TRAPPC2L: variants seen among roughly 807,000 people sequenced by gnomAD.
TRAPPC2L encodes the protein trafficking protein particle complex subunit 2L.
In TRAPPC2L, 17 loss-of-function variants were observed where a neutral mutation model predicts 13.2. The ratio of observed to expected loss-of-function variants is 1.29; its 90% CI spans 0.88 to 1.93. TRAPPC2L has a LOEUF of 1.93. TRAPPC2L is among the 30% of genes most tolerant of loss of function. The probability of loss-of-function intolerance (pLI) is 0.00; values close to 1 mark genes in which losing one functional copy is unlikely to be tolerated. For missense variants in TRAPPC2L, 359 were observed against 252.1 expected, an observed-to-expected ratio of 1.42 and a Z score of -2.87; for synonymous variants, 150 against 98.1, an observed-to-expected ratio of 1.53 and a Z score of -3.12.
intron 1 of TRAPPC2L, 55 bp from the exon 2 acceptor site, chr16:88,858,564 T>G: frequency 3.2e-6 from 5 of 1,582,018 alleles, no homozygotes. Flanking sequence ...AGTTCAGAGC[T>G]GGTGTGCGCT....
exon 4 of TRAPPC2L, chr16:88,860,434 T>C: frequency 1.6e-6 from 1 of 606,374 alleles, no homozygotes; most frequent in Non-Finnish European, 2.9e-6. Flanking sequence ...AAATGTGGGG[T>C]CCATGCCCAC....
At chr16:88,861,427 C>T (rs1187748726) in exon 4 of TRAPPC2L, 1 of 347,780 alleles carries the variant, frequency 2.9e-6, no homozygotes, top group Admixed American at 3.9e-5. Flanking sequence ...GGGCCCTCCT[C>T]TTTCTGGACT....
At chr16:88,856,418 G>C (rs1567550254), upstream of TRAPPC2L, 1 of 701,240 alleles carries the variant, frequency 1.4e-6, no homozygotes, top group African/African-American at 1.7e-5. Flanking sequence ...TCAGACGGGG[G>C]AGGCAGGGCC....
At chr16:88,861,475 T>TCCG in exon 4 of TRAPPC2L, 1 of 351,534 alleles carries the variant, frequency 2.8e-6, no homozygotes, top group Admixed American at 3.7e-5. Flanking sequence ...ATGTCTGGAT[T>TCCG]CCGCCCGGCC....
At chr16:88,857,290 G>A in intron 1 of TRAPPC2L, 107 bp downstream of exon 1, 1 of 1,086,608 alleles carries the variant, frequency 9.2e-7, no homozygotes, top group East Asian at 3.2e-5. Context: ...ATGGGACCTG[G>A]AGGAGGCCTT....
upstream of TRAPPC2L, chr16:88,856,745 C>A: frequency 6.7e-7 from 1 of 1,503,370 alleles, no homozygotes; most frequent in East Asian, 2.5e-5. Flanking sequence ...CCCGTCCCAC[C>A]GCCCGCACTC....
chr16:88,859,484 C>T lies in TRAPPC2L; in HGVS notation c.207-179C>T, dbSNP rs2143016178. 4.1e-6 allele frequency: 3 copies of T among 723,426 alleles called. 1 individual carries two copies. In the South Asian group the frequency reaches 4.4e-5, roughly 11 times the overall value. 44.8% of individuals were successfully genotyped at this position (723,426 alleles called of 1,614,324 possible). On this transcript the variant is annotated intron_variant, in intron 2 of 3. Coordinates refer to ENST00000565504, the Ensembl canonical transcript of TRAPPC2L. ...CTGCTCTTCGCTTCTCCTGCAAACA[C>T]CAGACGTCGCCCTAGCAAAGTATTT...
At chr16:88,861,745 G>A (rs756516512) in exon 4 of TRAPPC2L, 6 of 455,154 alleles carry the variant, frequency 1.3e-5, no homozygotes, top group South Asian at 4.7e-5. Flanking sequence ...GGACCCCCCC[G>A]GAGTTGGTTC....
rs372192905 is a variant in TRAPPC2L, at chr16:88,859,751, G to A, written c.294+1G>A. ...CCTTCGAGACAACGAAATTCGCAGCGTAAGTCAGGGAGTTAGAGGGCCACG... is the reference window on the plus strand; with the variant it reads ...CCTTCGAGACAACGAAATTCGCAGCATAAGTCAGGGAGTTAGAGGGCCACG... On this transcript the variant is annotated splice_donor_variant, in intron 3 of 3. Coordinates refer to ENST00000565504, the Ensembl canonical transcript of TRAPPC2L. LOFTEE classifies it high-confidence loss of function. The A allele has an allele frequency of 5.0e-6, 8 of 1,613,320 alleles. No homozygotes were observed. The highest frequency in any genetic ancestry group is 4.5e-5 in the East Asian group (2 of 44,894).
At chr16:88,860,573 T>C (rs1156974228) in exon 4 of TRAPPC2L, 2 of 588,400 alleles carry the variant, frequency 3.4e-6, no homozygotes, top group Admixed American at 3.0e-5. Flanking sequence ...GGGGCCATCC[T>C]GGTCCCAGAT....
Position 88,859,901 on chromosome 16 carries a change from GA to G in TRAPPC2L, c.305del (p.Lys102SerfsTer9). 6.4e-7 allele frequency: 1 copy of G among 1,554,616 alleles called. No homozygotes were observed. Among genetic ancestry groups the G allele is most frequent in the Non-Finnish European group, 8.7e-7 (1 of 1,152,338 alleles). On this transcript the variant is annotated frameshift_variant, in exon 4 of 4. Transcript: ENST00000565504. LOFTEE classifies it low-confidence loss of function (END_TRUNC). The stretch of plus-strand genomic sequence containing the variant: ...TGCTGGGTCTTTTTCAGATGTTCCG[GA>G]AGCTACACAACTCCTACACAGACGT...
chr16:88,858,156 C>G (rs1006910456), intron 1 of TRAPPC2L, among the ~76,000 whole-genome samples: 2 of 152,140 alleles, frequency 1.3e-5, no homozygotes, highest in Non-Finnish European at 2.9e-5. Flanking sequence ...TTCCAATGGT[C>G]AGAAATGCAG....
At position 88,859,970 on chromosome 16, in the gene TRAPPC2L, C is replaced by T. The variant is rs1271349159; in HGVS notation, c.372C>T (p.Ser124=). ...ACAACCCGGGGGACCGCATCCAGTC[C>T]AGGTGGGCCCTACTTTCTGTGTCTT... is the stretch of plus-strand genomic sequence containing the variant. The change falls in exon 4 of 4, where the codon TCC becomes TCT. Residue 124 remains serine, a synonymous_variant. Coordinates refer to ENST00000565504, the Ensembl canonical transcript of TRAPPC2L. 1 of 1,614,048 alleles carries T rather than the reference C, an allele frequency of 6.2e-7. No homozygotes were observed. The highest frequency in any genetic ancestry group is 1.7e-5 in the Admixed American group (1 of 60,032).
upstream of TRAPPC2L, chr16:88,856,637 G>A: frequency 5.9e-6 from 2 of 338,574 alleles, no homozygotes; most frequent in Non-Finnish European, 1.1e-5. Context: ...CTTCCCCAAG[G>A]GGCCTCCCCT....
chr16:88,859,986 T>C lies in TRAPPC2L; in HGVS notation c.388T>C (p.Ser130Pro). The C allele has an allele frequency of 6.2e-7, 1 of 1,613,136 alleles. No individual in the cohort carries two copies. The highest frequency in any genetic ancestry group is 8.5e-7 in the Non-Finnish European group (1 of 1,179,220). Residue 130 changes from serine (S) to proline (P), a missense_variant, in exon 4 of 4, where the codon TCT (serine) becomes CCT (proline). Transcript: ENST00000565504. ...CATCCAGTCCAGGTGGGCCCTACTT[T>C]CTGTGTCTTGCCACCTTCTTTCTGT...
At chr16:88,859,497 T>C in intron 2 of TRAPPC2L, 166 bp from the exon 3 acceptor site, 2 of 756,846 alleles carry the variant, frequency 2.6e-6, no homozygotes, top group Non-Finnish European at 4.7e-6. Flanking sequence ...GACGTCGCCC[T>C]AGCAAAGTAT....
At chr16:88,859,897 T>G in exon 4 of TRAPPC2L, 1 of 1,573,036 alleles carries the variant, frequency 6.4e-7, no homozygotes, top group Non-Finnish European at 8.6e-7. Context: ...TTTCAGATGT[T>G]CCGGAAGCTA....
chr16:88,858,774 C>A (rs760995726), exon 2 of TRAPPC2L: 16 of 1,613,180 alleles, frequency 9.9e-6, no homozygotes, highest in African/African-American at 4.0e-5. Flanking sequence ...TGCTCTACCC[C>A]ACGGAGGACT....
chr16:88,859,889 T>C lies in TRAPPC2L; in HGVS notation c.295-4T>C, dbSNP rs778036656. 1.3e-6 allele frequency: 2 copies of C among 1,554,760 alleles called. No homozygotes were observed. Among genetic ancestry groups the C allele is most frequent in the Non-Finnish European group, 1.7e-6 (2 of 1,151,024 alleles). ...AAGGTCATGGTTTGCTGGGTCTTTTTCAGATGTTCCGGAAGCTACACAACT... is the reference window on the plus strand; with the variant it reads ...AAGGTCATGGTTTGCTGGGTCTTTTCCAGATGTTCCGGAAGCTACACAACT... On this transcript the variant is annotated splice_polypyrimidine_tract_variant and splice_region_variant and intron_variant, in intron 3 of 3. Transcript: ENST00000565504.
Sources: allele counts gnomAD v4.1 joint callset (sites outside exome capture counted in the v4.1 genomes callset), GRCh38; gene constraint gnomAD v4.1.1; transcripts MANE v1.5; gene names NCBI Gene and HGNC (gene_info 2026-07-23, HGNC 2026-07-21).